The following NECTIN3 variants were observed in gnomAD, a reference collection of about 807,000 sequenced individuals.
The protein encoded by NECTIN3 is nectin-3.
A neutral mutation model predicts 49.4 loss-of-function variants in NECTIN3; 8 were observed. The observed-to-expected ratio is 0.16, with a 90% CI of 0.10 to 0.29. The LOEUF (loss-of-function observed/expected upper bound fraction) is 0.29. Among genes scored for constraint, NECTIN3 ranks in the 10% least tolerant of loss-of-function variants. The probability of loss-of-function intolerance (pLI) is 1.00; values close to 1 mark genes in which losing one functional copy is unlikely to be tolerated. For missense variants in NECTIN3, 581 were observed against 654.6 expected (o/e 0.89, Z 1.23); for synonymous variants, 277 against 241.1 (o/e 1.15, Z -1.38).
At chr3:111,072,752 C>G in intron 1 of NECTIN3, 1 of 612,520 alleles carries the variant, frequency 1.6e-6, no homozygotes, top group Middle Eastern at 4.5e-4. Flanking sequence ...CTGGAGCTCT[C>G]TAGATTGACC....
At chr3:111,139,182 A>C (rs1213158019), downstream of NECTIN3, among the ~76,000 whole-genome samples, 1 of 151,666 alleles carries the variant, frequency 6.6e-6, no homozygotes, top group African/African-American at 2.4e-5. Context: ...GAAAGTAACC[A>C]CAGTATCATT....
At position 111,136,932 on chromosome 3, in the gene NECTIN3, G is replaced by A. The variant is rs2107500155; in HGVS notation, c.*2717G>A. On this transcript the variant is annotated 3_prime_UTR_variant, in exon 6 of 6. Transcript: ENST00000485303. ...AAGTGCTTTAGAGTTGAAAGATTTA[G>A]TATTTTACCACGTGCCTAGTAGGGT... 1.0e-6 allele frequency: 1 copy of A among 972,090 alleles called. No homozygotes were observed. The highest frequency in any genetic ancestry group is 1.2e-6 in the Non-Finnish European group (1 of 818,042). The allele number at this position is 972,090 out of a possible 1,614,324, so 60.2% of individuals were successfully genotyped here. A position where few individuals can be genotyped will look rare whatever the true frequency, so the allele number is the denominator to read the frequency against.
rs190898543 is a variant in NECTIN3 at position 111,109,947 on chromosome 3, T to C, written c.161-2083T>C. Reference sequence around the variant, plus strand: ...TCAGGTTTATAAGTTTTTTACAGTTTTATTCATGAGTGTTTTAAATATTAA... The same window carrying C: ...TCAGGTTTATAAGTTTTTTACAGTTCTATTCATGAGTGTTTTAAATATTAA... On this transcript the variant is annotated intron_variant, in intron 1 of 5. Transcript: ENST00000485303. Among the ~76,000 whole-genome samples the C allele has an allele frequency of 2.6e-5, 4 of 152,188 alleles. No homozygotes were observed. The East Asian group carries it at 5.8e-4, about 22-fold the overall frequency.
At chr3:111,145,102 C>G in intron 6 of NECTIN3, 1 of 1,447,542 alleles carries the variant, frequency 6.9e-7, no homozygotes, top group Non-Finnish European at 9.3e-7. Context: ...TTATGTTTAC[C>G]TTTACAGCTC....
chr3:111,141,662 G>A (rs1437627023), downstream of NECTIN3, among the ~76,000 whole-genome samples: 1 of 151,720 alleles, frequency 6.6e-6, no homozygotes, highest in African/African-American at 2.4e-5. Flanking sequence ...TATTTTTGGA[G>A]GTAAGTTTCC....
chr3:111,145,136 A>G (rs2034843586), intron 6 of NECTIN3: 2 of 1,313,012 alleles, frequency 1.5e-6, no homozygotes, highest in Non-Finnish European at 2.1e-6. Context: ...TAAGGGATAG[A>G]AGTAAGGATA....
Position 111,118,797 on chromosome 3 carries a change from C to A in NECTIN3, c.644C>A (p.Ser215Tyr), listed in dbSNP as rs1301264689. The change falls in exon 3 of 6, where the codon TCC (serine) becomes TAC (tyrosine). Residue 215 changes from serine to tyrosine, a missense_variant. This residue lies in a region of NECTIN3 where 234 missense variants were observed against 340.6 expected (regional missense o/e 0.69). Transcript: ENST00000485303. ...DWEGDLGEME[S>Y]TTTSFPNETA... ...GAAGGTGATCTTGGTGAAATGGAAT[C>A]CACTACAACTTCTTTTCCAAATGAA... 2 of 1,614,038 alleles carry A rather than the reference C, an allele frequency of 1.2e-6. No individual in the cohort carries two copies. Among genetic ancestry groups the A allele is most frequent in the South Asian group, 1.1e-5 (1 of 91,080 alleles).
chr3:111,184,510 G>A (rs767513159), intron 7 of NECTIN3, among the ~76,000 whole-genome samples: 3 of 152,104 alleles, frequency 2.0e-5, no homozygotes, highest in Non-Finnish European at 4.4e-5. Flanking sequence ...GAAGGCCTTT[G>A]CCAGATGCTA....
At position 111,171,290 on chromosome 3, in the gene NECTIN3, A is replaced by G. The variant is rs536162331; in HGVS notation, c.1222-21061A>G. Among the ~76,000 whole-genome samples the G allele has an allele frequency of 5.9e-5, 9 of 152,300 alleles. No homozygotes were observed. In the East Asian group the frequency reaches 1.4e-3, roughly 23 times the overall value. Reference sequence around the variant, plus strand: ...AAGATCACTGGCCTACCAGTCAAGGAGCATGGATTTGGATTTGTGTCCCAG... The same window carrying G: ...AAGATCACTGGCCTACCAGTCAAGGGGCATGGATTTGGATTTGTGTCCCAG... On this transcript the variant is annotated intron_variant, in intron 7 of 8. Transcript: ENST00000493615.
At chr3:111,125,652 T>C (rs1469874536) in intron 4 of NECTIN3, among the ~76,000 whole-genome samples, 1 of 152,198 alleles carries the variant, frequency 6.6e-6, no homozygotes, top group East Asian at 1.9e-4. Context: ...GAAGACCCAT[T>C]TTGCTGTTTT....
chr3:111,169,162 T>G (rs1352869686), intron 7 of NECTIN3, among the ~76,000 whole-genome samples: 1 of 146,826 alleles, frequency 6.8e-6, no homozygotes, highest in Non-Finnish European at 1.5e-5. Flanking sequence ...CAATCTTGGC[T>G]TACTGCAAGC....
At chr3:111,192,356 A>G (rs1316191329) in exon 1 of NECTIN3, 3 of 1,535,754 alleles carry the variant, frequency 2.0e-6, no homozygotes, top group Non-Finnish European at 2.6e-6. Context: ...TCCAGCCTGA[A>G]CACTTGCCTT....
intron 7 of NECTIN3, among the ~76,000 whole-genome samples, chr3:111,169,115 A>C (rs1415089541): frequency 2.0e-5 from 2 of 99,844 alleles, no homozygotes; most frequent in Non-Finnish European, 3.6e-5. Context: ...TTTGAGACGG[A>C]GTCTCGCTCT....
At chr3:111,186,883 A>G (rs1452166253) in intron 7 of NECTIN3, among the ~76,000 whole-genome samples, 1 of 152,218 alleles carries the variant, frequency 6.6e-6, no homozygotes, top group African/African-American at 2.4e-5. Context: ...AAGATACAAG[A>G]ATAATATATG....
At chr3:111,119,898 T>C (rs1374072525) in intron 3 of NECTIN3, among the ~76,000 whole-genome samples, 1 of 152,178 alleles carries the variant, frequency 6.6e-6, no homozygotes, top group East Asian at 1.9e-4. Context: ...CTTTTTGATA[T>C]GACATGCATG....
At position 111,071,961 on chromosome 3, in the gene NECTIN3, C is replaced by T. The variant is rs570693075; in HGVS notation, c.-57C>T. 8.2e-7 allele frequency: 1 copy of T among 1,222,522 alleles called. No homozygotes were observed. The highest frequency in any genetic ancestry group is 3.1e-5 in the East Asian group (1 of 32,728). The allele number at this position is 1,222,522 out of a possible 1,614,324, so 75.7% of individuals were successfully genotyped here. On this transcript the variant is annotated 5_prime_UTR_variant, in exon 1 of 6. Transcript: ENST00000485303. ...CAGCCTCCGCCCAGAGCCTGAGGCGCCGGGGCCGGGGGAGCCGGGGGGCGG... is the reference window on the plus strand; with the variant it reads ...CAGCCTCCGCCCAGAGCCTGAGGCGTCGGGGCCGGGGGAGCCGGGGGGCGG...
intron 1 of NECTIN3, among the ~76,000 whole-genome samples, chr3:111,089,724 T>G (rs1056118815): frequency 1.9e-4 from 29 of 152,106 alleles, no homozygotes; most frequent in African/African-American, 6.5e-4. Context: ...AAAAATTGCC[T>G]TTGTTGGGTG....
chr3:111,082,709 T>C (rs1205270296), intron 1 of NECTIN3, among the ~76,000 whole-genome samples: 2 of 152,180 alleles, frequency 1.3e-5, no homozygotes, highest in Non-Finnish European at 2.9e-5. Flanking sequence ...TGAATGGTTT[T>C]GGGATGATTG....
intron 1 of NECTIN3, among the ~76,000 whole-genome samples, chr3:111,102,520 T>C (rs1243864013): frequency 2.0e-5 from 3 of 152,264 alleles, no homozygotes; most frequent in Non-Finnish European, 2.9e-5. Flanking sequence ...CTGTGCCTTC[T>C]TCACGCCTCC....
Sources: allele counts gnomAD v4.1 joint callset (sites outside exome capture counted in the v4.1 genomes callset), GRCh38; gene constraint gnomAD v4.1.1; regional missense constraint gnomAD v4.1.1; transcripts MANE v1.5; gene names NCBI Gene and HGNC (gene_info 2026-07-23, HGNC 2026-07-21).